Variants in NRXN1 observed in about 807,000 individuals in gnomAD.
NRXN1 encodes the protein neurexin-1.
NRXN1 carries 39 observed loss-of-function variants against 150.9 expected under a neutral mutation model. That is an observed-to-expected ratio of 0.26 (90% CI 0.20 to 0.34). The LOEUF (loss-of-function observed/expected upper bound fraction) is 0.34. NRXN1 is among the 10% of genes least tolerant of loss of function. NRXN1 has a pLI of 1.00. For missense variants in NRXN1, 1,815 were observed against 1,949.9 expected (o/e 0.93, Z 1.30); for synonymous variants, 924 against 757.0 (o/e 1.22, Z -3.62).
intron 17 of NRXN1, among the ~76,000 whole-genome samples, chr2:50,441,320 ACTT>A (rs1487886314): frequency 3.3e-5 from 5 of 152,130 alleles, no homozygotes; most frequent in Non-Finnish European, 7.4e-5. Context: ...CTCTGATTTC[ACTT>A]CTTCTTCCTC....
chr2:50,511,199 T>A (rs1368330809), intron 12 of NRXN1, among the ~76,000 whole-genome samples: 1 of 152,128 alleles, frequency 6.6e-6, no homozygotes, highest in Non-Finnish European at 1.5e-5. Context: ...GAGCTGGGAT[T>A]ACAGGCACCC....
chr2:50,506,387 G>A lies in NRXN1; in HGVS notation c.2497+108C>T, dbSNP rs1459552180. ...AAAAAATAGAATAAAAATGGATTGT[G>A]TGAATACATTTCAAGTTGTGTACCA... On this transcript the variant is annotated intron_variant, in intron 13 of 22. Coordinates refer to ENST00000401669, the MANE Select transcript of NRXN1 (RefSeq NM_001330078.2). The A allele has an allele frequency of 3.2e-6, 3 of 933,844 alleles. No homozygotes were observed. The Admixed American group carries it at 8.8e-5, about 27-fold the overall frequency. 57.8% of individuals were successfully genotyped at this position (933,844 alleles called of 1,614,324 possible). A position where few individuals can be genotyped will look rare whatever the true frequency, so the allele number is the denominator to read the frequency against.
At chr2:50,479,883 C>T (rs984731221) in intron 15 of NRXN1, among the ~76,000 whole-genome samples, 6 of 140,696 alleles carry the variant, frequency 4.3e-5, no homozygotes, top group East Asian at 2.2e-4. Context: ...AAGCAATTCT[C>T]CTGCCTCAGC....
chr2:50,034,592 T>C (rs557380447), intron 21 of NRXN1, among the ~76,000 whole-genome samples: 2 of 152,122 alleles, frequency 1.3e-5, no homozygotes, highest in Admixed American at 6.6e-5. Context: ...CCAACCCCCA[T>C]GACACAAGTT....
intron 17 of NRXN1, among the ~76,000 whole-genome samples, chr2:50,463,610 T>C (rs1465433274): frequency 1.3e-5 from 2 of 151,806 alleles, no homozygotes; most frequent in African/African-American, 4.8e-5. Flanking sequence ...AGCATTAAAA[T>C]AGTTTTCTGT....
At chr2:49,989,977 C>A (rs1192297113) in intron 21 of NRXN1, among the ~76,000 whole-genome samples, 1 of 151,956 alleles carries the variant, frequency 6.6e-6, no homozygotes, top group Non-Finnish European at 1.5e-5. Context: ...TGAACAATAT[C>A]ATCTACCTGT....
intron 19 of NRXN1, among the ~76,000 whole-genome samples, chr2:50,069,120 G>A (rs1695815120): frequency 6.6e-6 from 1 of 152,222 alleles, no homozygotes; most frequent in South Asian, 2.1e-4. Flanking sequence ...GACAAAAGCT[G>A]TTCCCAGAAT....
In NRXN1 at chr2:50,800,804, C is replaced by T. The variant is rs76275056; in HGVS notation, c.832+121065G>A. The stretch of plus-strand genomic sequence containing the variant: ...ACTTTAGGTGATCCATCCGCCCCAG[C>T]CTCACAAAGTGCTGGGATTACAGGC... On this transcript the variant is annotated intron_variant, in intron 5 of 22. Coordinates refer to ENST00000401669, the MANE Select transcript of NRXN1 (RefSeq NM_001330078.2). Among the ~76,000 whole-genome samples, 203 of 152,278 alleles carry T rather than the reference C, an allele frequency of 1.3e-3. 4 individuals are homozygous for T. The East Asian group carries it at 0.032, about 24-fold the overall frequency.
At chr2:50,481,464 CT>C (rs1343827180) in intron 15 of NRXN1, among the ~76,000 whole-genome samples, 1 of 152,138 alleles carries the variant, frequency 6.6e-6, no homozygotes, top group Non-Finnish European at 1.5e-5. Flanking sequence ...ATGTTCAAAA[CT>C]TTTTAAATCA....
At chr2:50,693,950 G>A (rs1170963729) in intron 5 of NRXN1, among the ~76,000 whole-genome samples, 3 of 151,964 alleles carry the variant, frequency 2.0e-5, no homozygotes, top group Non-Finnish European at 4.4e-5. Flanking sequence ...CACTACCATG[G>A]TCGGCTAATT....
Position 51,002,507 on chromosome 2 carries a change from A to C in NRXN1, c.772+24995T>G, listed in dbSNP as rs144316743. Among the ~76,000 whole-genome samples, 21 of 152,102 alleles carry C rather than the reference A, an allele frequency of 1.4e-4. No homozygotes were observed. In the East Asian group the frequency reaches 3.5e-3, roughly 25 times the overall value. On this transcript the variant is annotated intron_variant, in intron 2 of 22. Transcript: ENST00000401669. ...TTCATATAATAATGAATTTGTTAAA[A>C]TGACTTTCCGTAAGAAACACACATT...
At chr2:50,935,137 A>G (rs1214710077) in intron 2 of NRXN1, among the ~76,000 whole-genome samples, 1 of 152,208 alleles carries the variant, frequency 6.6e-6, no homozygotes, top group East Asian at 1.9e-4. Flanking sequence ...AATTAATTTA[A>G]AAAGCGCCTT....
intron 5 of NRXN1, among the ~76,000 whole-genome samples, chr2:50,728,309 T>C (rs936152790): frequency 3.5e-4 from 53 of 152,172 alleles, no homozygotes; most frequent in African/African-American, 1.1e-3. Context: ...ATAAGTTAAC[T>C]TATAATAAGG....
At chr2:49,943,848 T>C in intron 21 of NRXN1, 57 bp from the exon 22 acceptor site, 1 of 1,241,158 alleles carries the variant, frequency 8.1e-7, no homozygotes, top group South Asian at 1.3e-5. Flanking sequence ...GATTCTCTCA[T>C]CTTTGTCTCA....
intron 19 of NRXN1, among the ~76,000 whole-genome samples, chr2:50,078,394 A>C (rs1697407025): frequency 6.6e-6 from 1 of 151,898 alleles, no homozygotes; most frequent in South Asian, 2.1e-4. Flanking sequence ...AATCTTATAG[A>C]ATGAGAGTTC....
At chr2:50,556,317 T>A (rs1573533290) in intron 8 of NRXN1, among the ~76,000 whole-genome samples, 1 of 152,142 alleles carries the variant, frequency 6.6e-6, no homozygotes, top group South Asian at 2.1e-4. Flanking sequence ...TCTGAAACAA[T>A]GTGGCACTCA....
intron 17 of NRXN1, among the ~76,000 whole-genome samples, chr2:50,313,715 G>T (rs2075362857): frequency 6.6e-6 from 1 of 152,074 alleles, no homozygotes. Context: ...ATAAATGATG[G>T]GAATCAGATC....
intron 18 of NRXN1, 81 bp from the exon 19 acceptor site, chr2:50,091,575 T>C: frequency 6.9e-7 from 1 of 1,454,998 alleles, no homozygotes; most frequent in African/African-American, 1.4e-5. Flanking sequence ...AGGTATTGTT[T>C]TAAAATGTGC....
At chr2:49,940,246 G>A (rs2104338723) in intron 22 of NRXN1, among the ~76,000 whole-genome samples, 1 of 152,214 alleles carries the variant, frequency 6.6e-6, no homozygotes, top group East Asian at 1.9e-4. Context: ...CCAAGGACTA[G>A]CAAATGTGCA....
Sources: gnomAD v4.1 joint callset for allele counts (sites outside exome capture counted in the v4.1 genomes callset) on GRCh38, gnomAD v4.1.1 for gene constraint, MANE v1.5 for transcripts, NCBI Gene and HGNC (gene_info 2026-07-23, HGNC 2026-07-21) for gene names.